CFAP221: variants seen among roughly 807,000 people sequenced by gnomAD.
CFAP221 encodes the protein cilia and flagella associated protein 221, also known as cilia- and flagella-associated protein 221.
A neutral mutation model predicts 113.1 loss-of-function variants in CFAP221; 97 were observed. That is an observed-to-expected ratio of 0.86 (90% CI 0.73 to 1.02). The LOEUF (loss-of-function observed/expected upper bound fraction) is 1.02. Ranked by LOEUF, CFAP221 falls within the 50% of genes least tolerant of loss-of-function variation. CFAP221 has a pLI of 0.00. For missense variants in CFAP221, 1,025 were observed against 1,013.4 expected (o/e 1.01, Z -0.16); for synonymous variants, 331 against 354.4 (o/e 0.93, Z 0.74).
At chr2:119,575,925 G>A (rs1025606254) in intron 6 of CFAP221, among the ~76,000 whole-genome samples, 44 of 152,000 alleles carry the variant, frequency 2.9e-4, no homozygotes, top group Admixed American at 1.2e-3. Flanking sequence ...TGAAGAGGTG[G>A]CCTTATTTAA....
intron 16 of CFAP221, among the ~76,000 whole-genome samples, chr2:119,628,719 A>T (rs1686550336): frequency 6.6e-6 from 1 of 152,262 alleles, no homozygotes; most frequent in South Asian, 2.1e-4. Flanking sequence ...TCTACTCAAG[A>T]ATTACGGGAC....
intron 6 of CFAP221, among the ~76,000 whole-genome samples, chr2:119,583,291 G>A (rs1399252056): frequency 6.6e-6 from 1 of 151,620 alleles, no homozygotes; most frequent in Non-Finnish European, 1.5e-5. Context: ...AGAAAAAGAT[G>A]CTCTCTTCAC....
At chr2:119,659,297 A>C (rs1047251612), downstream of CFAP221, among the ~76,000 whole-genome samples, 1 of 152,138 alleles carries the variant, frequency 6.6e-6, no homozygotes, top group Non-Finnish European at 1.5e-5. Context: ...CTGGTTCCCG[A>C]ATTGCCTGGG....
In CFAP221 at chr2:119,639,794, G is replaced by A; in HGVS notation, c.2147G>A (p.Gly716Glu). The A allele has an allele frequency of 6.2e-7, 1 of 1,613,952 alleles. No individual in the cohort carries two copies. Among genetic ancestry groups the A allele is most frequent in the Non-Finnish European group, 8.5e-7 (1 of 1,179,928 alleles). ...QFLHHTDIIP[G>E]IMHWKSFQSL... ...CTTTCCTTACAGGACATTATTCCCG[G>A]AATAATGCACTGGAAAAGCTTCCAG... Residue 716 changes from glycine (G) to glutamate (E), a missense_variant, in exon 21 of 24, where the codon GGA becomes GAA. Gly to Glu is a moderately conservative substitution (Grantham distance 98). Coordinates refer to ENST00000413369, the MANE Select transcript of CFAP221 (RefSeq NM_001271049.2).
At chr2:119,631,040 G>A (rs1459650289) in intron 19 of CFAP221, 139 bp downstream of exon 19, 14 of 1,398,944 alleles carry the variant, frequency 1.0e-5, no homozygotes, top group African/African-American at 1.4e-5. Flanking sequence ...CTTTAATATT[G>A]TTTGCCAACC....
intron 19 of CFAP221, 164 bp downstream of exon 19, chr2:119,631,065 A>AAT: frequency 1.5e-6 from 2 of 1,340,852 alleles, no homozygotes; most frequent in Non-Finnish European, 1.9e-6. Flanking sequence ...TTTTTTGGAG[A>AAT]ATATCAGTGA....
intron 17 of CFAP221, 118 bp downstream of exon 17, chr2:119,630,073 C>T: frequency 1.2e-6 from 1 of 838,604 alleles, no homozygotes; most frequent in Admixed American, 2.5e-5. Flanking sequence ...CTGTGTGGCA[C>T]ACTCTACTGT....
chr2:119,613,493 T>TCTGGA (rs1685318059), intron 13 of CFAP221, among the ~76,000 whole-genome samples: 1 of 152,262 alleles, frequency 6.6e-6, no homozygotes, highest in African/African-American at 2.4e-5. Context: ...AAACCTAATT[T>TCTGGA]CTGGACTTCT....
At chr2:119,639,079 G>C (rs1244386376) in intron 20 of CFAP221, among the ~76,000 whole-genome samples, 3 of 152,024 alleles carry the variant, frequency 2.0e-5, no homozygotes, top group Non-Finnish European at 4.4e-5. Flanking sequence ...ACCCCGGGGG[G>C]GTGGGGGGGC....
At chr2:119,601,994 C>T (rs966433166) in intron 8 of CFAP221, among the ~76,000 whole-genome samples, 5 of 152,190 alleles carry the variant, frequency 3.3e-5, no homozygotes, top group African/African-American at 1.2e-4. Flanking sequence ...TTCTGAACTT[C>T]CATTTCCATT....
Position 119,555,213 on chromosome 2 carries a change from G to A in CFAP221, c.241-4476G>A, listed in dbSNP as rs542637281. ...GCGGTTCTGAAAAACTCTAGAAGGGGCTGAATTTCACTTTGGAGTAAATAT... is the reference window on the plus strand; with the variant it reads ...GCGGTTCTGAAAAACTCTAGAAGGGACTGAATTTCACTTTGGAGTAAATAT... On this transcript the variant is annotated intron_variant, in intron 3 of 23. Coordinates refer to ENST00000413369, the MANE Select transcript of CFAP221 (RefSeq NM_001271049.2). Among the ~76,000 whole-genome samples, 9 of 152,266 alleles carry A rather than the reference G, an allele frequency of 5.9e-5. No homozygotes were observed. The South Asian group carries it at 1.9e-3, about 32-fold the overall frequency.
Position 119,587,102 on chromosome 2 carries a change from TTTTG to T in CFAP221, c.528-9_528-6del, listed in dbSNP as rs775707978. On this transcript the variant is annotated splice_polypyrimidine_tract_variant and intron_variant, in intron 6 of 23. Transcript: ENST00000413369. ...AGAAAAATAATATTTTTATTTTCTT[TTTTG>T]TTTGTTTTGCAGCAAAACTTATGTT... 4.1e-6 allele frequency: 6 copies of T among 1,470,360 alleles called. No individual in the cohort carries two copies. Among genetic ancestry groups the T allele is most frequent in the South Asian group, 2.7e-5 (2 of 74,644 alleles). 91.1% of individuals were successfully genotyped at this position (1,470,360 alleles called of 1,614,324 possible).
At chr2:119,632,574 A>G (rs1288037116) in intron 19 of CFAP221, among the ~76,000 whole-genome samples, 1 of 152,166 alleles carries the variant, frequency 6.6e-6, no homozygotes, top group Non-Finnish European at 1.5e-5. Context: ...AAGATCAAGT[A>G]TAGGGCAAGG....
chr2:119,561,150 C>A (rs756324584), intron 5 of CFAP221, among the ~76,000 whole-genome samples: 1 of 151,970 alleles, frequency 6.6e-6, no homozygotes, highest in Non-Finnish European at 1.5e-5. Context: ...ATTAGCCAGG[C>A]CTAGTGGCAT....
intron 6 of CFAP221, among the ~76,000 whole-genome samples, chr2:119,579,600 G>C (rs1682704707): frequency 6.6e-6 from 1 of 152,152 alleles, no homozygotes; most frequent in East Asian, 1.9e-4. Flanking sequence ...TACTTGCACT[G>C]CTATATCTGC....
rs147677150 is a variant in CFAP221 at position 119,616,460 on chromosome 2, C to T, written c.1410+751C>T. Among the ~76,000 whole-genome samples, 400 of 152,336 alleles carry T rather than the reference C, an allele frequency of 2.6e-3. 1 individual carries two copies. The highest frequency in any genetic ancestry group is 9.1e-3 in the African/African-American group (379 of 41,566). ...TGAGAATGTCTGAGGGATCGTACCT[C>T]TAGCATCCAGGCTTAATGCATGCCT... is the stretch of plus-strand genomic sequence containing the variant. On this transcript the variant is annotated intron_variant, in intron 14 of 23. Transcript: ENST00000413369.
At chr2:119,592,695 C>G (rs370918677) in intron 7 of CFAP221, among the ~76,000 whole-genome samples, 1 of 152,196 alleles carries the variant, frequency 6.6e-6, no homozygotes, top group Admixed American at 6.5e-5. Context: ...CCTCCATGCT[C>G]GCATGTTTGA....
chr2:119,604,605 A>G, intron 8 of CFAP221, 67 bp from the exon 9 acceptor site: 1 of 1,401,898 alleles, frequency 7.1e-7, no homozygotes, highest in Non-Finnish European at 9.4e-7. Flanking sequence ...ATCAGAAGGA[A>G]CATAAAACAT....
At chr2:119,567,856 T>C (rs1382369117) in intron 6 of CFAP221, among the ~76,000 whole-genome samples, 5 of 152,262 alleles carry the variant, frequency 3.3e-5, no homozygotes, top group African/African-American at 2.4e-5. Flanking sequence ...GTTCTCTTTT[T>C]ATCTTCCACT....
Sources: allele counts gnomAD v4.1 joint callset (sites outside exome capture counted in the v4.1 genomes callset), GRCh38; gene constraint gnomAD v4.1.1; transcripts MANE v1.5; gene names NCBI Gene and HGNC (gene_info 2026-07-23, HGNC 2026-07-21).